Variants in SLC2A11 observed in about 807,000 individuals in gnomAD.
SLC2A11 encodes the protein solute carrier family 2 member 11.
In SLC2A11, 43 loss-of-function variants were observed where a neutral mutation model predicts 52.1. The ratio of observed to expected loss-of-function variants is 0.82; its 90% CI spans 0.65 to 1.06. The LOEUF is 1.06. SLC2A11 is among the 50% of genes least tolerant of loss of function. SLC2A11 has a pLI of 0.00. For missense variants in SLC2A11, 582 were observed against 654.2 expected, an observed-to-expected ratio of 0.89 and a Z score of 1.20; for synonymous variants, 261 against 277.6, an observed-to-expected ratio of 0.94 and a Z score of 0.59.
rs748967848 is a variant in SLC2A11, at chr22:23,884,966, C to T, written c.*117C>T. Reference sequence around the variant, plus strand: ...ATTTAAGGAGTGTTTATTGAGCACCCTTTGTGTGCAGACATGGCTCCAGGT... The same window carrying T: ...ATTTAAGGAGTGTTTATTGAGCACCTTTTGTGTGCAGACATGGCTCCAGGT... On this transcript the variant is annotated 3_prime_UTR_variant, in exon 12 of 12. Transcript: ENST00000316185. This position sits in a 1 kb window ranked among gnomAD's most constrained non-coding sequence, Gnocchi z 4.3. The T allele has an allele frequency of 1.7e-5, 14 of 817,222 alleles. No homozygotes were observed. The Admixed American group carries it at 3.9e-4, about 23-fold the overall frequency. 50.6% of individuals were successfully genotyped at this position (817,222 alleles called of 1,614,324 possible).
intron 6 of SLC2A11, chr22:23,881,757 GAAACACACACACACACAGAC>G (rs2032799880): frequency 6.5e-6 from 1 of 153,342 alleles, no homozygotes; most frequent in Admixed American, 6.6e-5. Context: ...CAGAGAGAGA[GAAACACACACACACACAGAC>G]AGACACAGAG....
chr22:23,877,411 CAG>C, intron 5 of SLC2A11: 1 of 801,630 alleles, frequency 1.2e-6, no homozygotes, highest in South Asian at 1.5e-5. Flanking sequence ...CAGGTCTTCA[CAG>C]AGGAGAGGGT....
At chr22:23,883,683 A>G in intron 8 of SLC2A11, 89 bp from the exon 9 acceptor site, 1 of 1,090,298 alleles carries the variant, frequency 9.2e-7, no homozygotes, top group Non-Finnish European at 1.3e-6. Context: ...CTCCACCACC[A>G]GCTTTCTCAG....
At chr22:23,875,295 T>C in intron 4 of SLC2A11, 54 bp downstream of exon 4, 1 of 1,333,416 alleles carries the variant, frequency 7.5e-7, no homozygotes, top group Middle Eastern at 2.6e-4. Flanking sequence ...ATTAATAAAT[T>C]CATTAATTCC....
chr22:23,867,683 G>A (rs1266311758), intron 2 of SLC2A11: 11 of 470,370 alleles, frequency 2.3e-5, no homozygotes, highest in Non-Finnish European at 4.0e-5. Context: ...GGAGCTCTAG[G>A]AAAGGGAGAG....
In SLC2A11 at chr22:23,882,646, G is replaced by T. The variant is rs199527068; in HGVS notation, c.882G>T (p.Ser294=). ...CCATGGAGCTCTGCGGGAATGACTCGGTGAGACCCCTGCCCCGCCGCACAC... is the reference window on the plus strand; with the variant it reads ...CCATGGAGCTCTGCGGGAATGACTCTGTGAGACCCCTGCCCCGCCGCACAC... ...GSAMELCGND[S]VYAYASSVFR... The change falls in exon 7 of 12, where the codon TCG becomes TCT. Residue 294 remains serine (S), a splice_region_variant and synonymous_variant. Transcript: ENST00000316185. 6.2e-7 allele frequency: 1 copy of T among 1,610,806 alleles called. No individual in the cohort carries two copies. Among genetic ancestry groups the T allele is most frequent in the South Asian group, 1.1e-5 (1 of 90,764 alleles).
At position 23,884,485 on chromosome 22, in the gene SLC2A11, G is replaced by A; in HGVS notation, c.1299+56G>A. 6.3e-7 allele frequency: 1 copy of A among 1,584,770 alleles called. No homozygotes were observed. The highest frequency in any genetic ancestry group is 8.6e-7 in the Non-Finnish European group (1 of 1,163,184). ...CCTTAGGCTGTGTCCCTGTCATCCT[G>A]AGAACCCCAGGGGGAGGCTTCCATC... On this transcript the variant is annotated intron_variant, in intron 11 of 11. Coordinates refer to ENST00000316185, the MANE Select transcript of SLC2A11 (RefSeq NM_001024939.4). This position sits in a 1 kb window ranked among gnomAD's most constrained non-coding sequence, Gnocchi z 4.3.
Position 23,872,025 on chromosome 22 carries a change from A to G in SLC2A11, c.291-3092A>G. ...CCCACTAGGGCCTAGTGACAAGGCCAGGAGCTCTTTCTCCTTAAGAGGTTA... is the reference window on the plus strand; with the variant it reads ...CCCACTAGGGCCTAGTGACAAGGCCGGGAGCTCTTTCTCCTTAAGAGGTTA... On this transcript the variant is annotated intron_variant, in intron 3 of 11. Transcript: ENST00000316185. 2 of 152,168 alleles carry G rather than the reference A, an allele frequency of 1.3e-5. 1 individual carries two copies. Among genetic ancestry groups the G allele is most frequent in the East Asian group, 3.9e-4 (2 of 5,162 alleles). The allele number at this position is 152,168 out of a possible 1,614,324, so 9.4% of individuals were successfully genotyped here. A position where few individuals can be genotyped will look rare whatever the true frequency, so the allele number is the denominator to read the frequency against.
intron 2 of SLC2A11, chr22:23,865,768 G>A (rs1463513522): frequency 2.0e-5 from 3 of 152,254 alleles, no homozygotes; most frequent in African/African-American, 7.2e-5. Context: ...GTGATCAGAT[G>A]TGGAGGATGA....
At chr22:23,861,290 CAAAAAAAAAAAAA>C (rs56138210) in intron 1 of SLC2A11, among the ~76,000 whole-genome samples, 4 of 35,618 alleles carry the variant, frequency 1.1e-4, no homozygotes, top group African/African-American at 3.3e-4. Flanking sequence ...GACTCAGTCT[CAAAAAAAAAAAAA>C]AAAAAAAAAA....
intron 6 of SLC2A11, 108 bp from the exon 7 acceptor site, chr22:23,882,347 CAGAG>C: frequency 1.1e-6 from 1 of 942,460 alleles, no homozygotes; most frequent in Non-Finnish European, 1.5e-6. Context: ...GACTCAGAGA[CAGAG>C]AGTGAGCCAA....
chr22:23,862,407 T>G (rs2032102861), intron 2 of SLC2A11: 1 of 552,540 alleles, frequency 1.8e-6, no homozygotes, highest in Non-Finnish European at 3.3e-6. Context: ...GTCCCTAATC[T>G]CAGCAGATGA....
intron 1 of SLC2A11, among the ~76,000 whole-genome samples, chr22:23,860,043 T>C (rs2031994388): frequency 6.6e-6 from 1 of 152,224 alleles, no homozygotes. Flanking sequence ...AGTTAATTGT[T>C]GTGCCTTTGG....
Position 23,882,868 on chromosome 22 carries a change from G to A in SLC2A11, c.992G>A (p.Ser331Asn), listed in dbSNP as rs199745405. ...GSCELLTAVV[S>N]CVVIERVGRR... is the part of the protein sequence containing the mutation. Reference sequence around the variant, plus strand: ...TGCGAGCTGCTCACGGCGGTTGTTAGTGTGAGTCTGGAGGGTGCCCTTCCT... The same window carrying A: ...TGCGAGCTGCTCACGGCGGTTGTTAATGTGAGTCTGGAGGGTGCCCTTCCT... Residue 331 changes from serine (S) to asparagine (N), a missense_variant and splice_region_variant, in exon 8 of 12, where the codon AGT (serine) becomes AAT (asparagine). Ser to Asn is a conservative substitution (Grantham distance 46). Transcript: ENST00000316185. 103 of 1,608,740 alleles carry A rather than the reference G, an allele frequency of 6.4e-5. No homozygotes were observed. Among genetic ancestry groups the A allele is most frequent in the Non-Finnish European group, 4.0e-5 (47 of 1,177,656 alleles).
Position 23,862,119 on chromosome 22 carries a change from C to T in SLC2A11, c.46C>T (p.Leu16=), listed in dbSNP as rs1379169724. The T allele has an allele frequency of 1.9e-6, 3 of 1,614,042 alleles. No homozygotes were observed. The highest frequency in any genetic ancestry group is 2.5e-6 in the Non-Finnish European group (3 of 1,180,008). The change falls in exon 2 of 12, where the codon CTG becomes TTG. Residue 16 remains leucine (L), a synonymous_variant. Coordinates refer to ENST00000316185, the MANE Select transcript of SLC2A11 (RefSeq NM_001024939.4). ...CTCTCCTCAGATTCAGGGCAGGATC[C>T]TGCTCCTGACCATCTGCGCTGCCGG... The part of the protein sequence containing the change: ...LRSRMIQGRI[L]LLTICAAGIG...
Position 23,884,060 on chromosome 22 carries a change from C to T in SLC2A11, c.1171+36C>T, listed in dbSNP as rs1467356989. The T allele has an allele frequency of 6.2e-7, 1 of 1,601,048 alleles. No individual in the cohort carries two copies. The highest frequency in any genetic ancestry group is 1.3e-5 in the African/African-American group (1 of 74,166). On this transcript the variant is annotated intron_variant, in intron 10 of 11. Transcript: ENST00000316185. The surrounding 1 kb of genome is among the most constrained non-coding windows in gnomAD (Gnocchi z 4.3). ...CCAAGGGGCTCTGGGCATCCATCAT[C>T]ACATAGAAGGAGTGATGGGTGCCTG...
intron 6 of SLC2A11, among the ~76,000 whole-genome samples, chr22:23,878,216 C>T (rs991027708): frequency 6.6e-6 from 1 of 152,246 alleles, no homozygotes; most frequent in East Asian, 1.9e-4. Context: ...ACTTTGGCTA[C>T]AGTAAGAATG....
intron 4 of SLC2A11, among the ~76,000 whole-genome samples, chr22:23,876,212 C>T (rs2032609001): frequency 6.6e-6 from 1 of 152,116 alleles, no homozygotes; most frequent in Admixed American, 6.5e-5. Flanking sequence ...TTATTCTGCT[C>T]ATTAGAAGTG....
At position 23,883,765 on chromosome 22, in the gene SLC2A11, T is replaced by G; in HGVS notation, c.994-7T>G. ...GGTGTGTGGGTCTGTGCTTTCTGCC[T>G]TTGCAGTGTGTGGTAATCGAGAGGG... is the stretch of plus-strand genomic sequence containing the variant. On this transcript the variant is annotated splice_polypyrimidine_tract_variant and splice_region_variant and intron_variant, in intron 8 of 11. Transcript: ENST00000316185. 1 of 1,517,228 alleles carries G rather than the reference T, an allele frequency of 6.6e-7. No homozygotes were observed. Among genetic ancestry groups the G allele is most frequent in the South Asian group, 1.3e-5 (1 of 74,894 alleles). The allele number at this position is 1,517,228 out of a possible 1,614,324, so 94.0% of individuals were successfully genotyped here. A position where few individuals can be genotyped will look rare whatever the true frequency, so the allele number is the denominator to read the frequency against.
Sources: gnomAD v4.1 joint callset for allele counts (sites outside exome capture counted in the v4.1 genomes callset) on GRCh38, gnomAD v4.1.1 for gene constraint, Gnocchi (gnomAD v3.1) non-coding constraint, MANE v1.5 for transcripts, NCBI Gene and HGNC (gene_info 2026-07-23, HGNC 2026-07-21) for gene names.